Variants in LYPLA1 observed in about 807,000 individuals in gnomAD.
LYPLA1 encodes the protein lysophospholipase 1.
In LYPLA1, 17 loss-of-function variants were observed where a neutral mutation model predicts 34.0. The ratio of observed to expected loss-of-function variants is 0.50; its 90% CI spans 0.34 to 0.75. The LOEUF (loss-of-function observed/expected upper bound fraction) is 0.75. LYPLA1 is among the 30% of genes least tolerant of loss of function. The pLI is 0.01. For synonymous variants in LYPLA1, 98 were observed against 100.8 expected, an observed-to-expected ratio of 0.97 and a Z score of 0.17; for missense variants, 203 against 288.8, an observed-to-expected ratio of 0.70 and a Z score of 2.15.
intron 2 of LYPLA1, chr8:54,073,317 G>A (rs985745819): frequency 1.2e-6 from 1 of 866,488 alleles, no homozygotes; most frequent in Non-Finnish European, 2.0e-6. Flanking sequence ...TCTATGGACG[G>A]AACTGTGAGC....
intron 2 of LYPLA1, among the ~76,000 whole-genome samples, chr8:54,066,768 G>A (rs534243175): frequency 2.7e-5 from 4 of 150,750 alleles, no homozygotes; most frequent in East Asian, 3.9e-4. Flanking sequence ...GCAACAGAGC[G>A]AGACTCCATC....
Position 54,063,488 on chromosome 8 carries a change from A to C in LYPLA1, c.168-113T>G, listed in dbSNP as rs1324649033. ...AGACCTACACAAAACTATATGCTACAGTTTTAACATATGAACTGTTTTATT... is the reference window on the plus strand; with the variant it reads ...AGACCTACACAAAACTATATGCTACCGTTTTAACATATGAACTGTTTTATT... On this transcript the variant is annotated intron_variant, in intron 3 of 8. Coordinates refer to ENST00000316963, the MANE Select transcript of LYPLA1 (RefSeq NM_006330.4). 4.3e-6 allele frequency: 3 copies of C among 702,728 alleles called. No homozygotes were observed. In the East Asian group the frequency reaches 8.4e-5, roughly 20 times the overall value. The allele number at this position is 702,728 out of a possible 1,614,324, so 43.5% of individuals were successfully genotyped here.
At chr8:54,094,149 A>G (rs966561942) in intron 2 of LYPLA1, among the ~76,000 whole-genome samples, 3 of 152,196 alleles carry the variant, frequency 2.0e-5, no homozygotes, top group Non-Finnish European at 2.9e-5. Flanking sequence ...ATTCTTCTCT[A>G]TACTTTTATA....
intron 5 of LYPLA1, among the ~76,000 whole-genome samples, chr8:54,061,491 A>T (rs1806631144): frequency 6.6e-6 from 1 of 152,208 alleles, no homozygotes; most frequent in African/African-American, 2.4e-5. Context: ...ATTTGTCCCC[A>T]TCCACCTCAT....
chr8:54,060,689 C>CTTTTTTTTT (rs761596145), intron 5 of LYPLA1, among the ~76,000 whole-genome samples: 2 of 123,484 alleles, frequency 1.6e-5, no homozygotes, highest in Admixed American at 8.4e-5. Context: ...TTTTTTCTTC[C>CTTTTTTTTT]TTTTTTTTTT....
chr8:54,045,741 A>C (rs1805459505), downstream of LYPLA1: 1 of 152,234 alleles, frequency 6.6e-6, no homozygotes, highest in Non-Finnish European at 1.5e-5. Context: ...TTATGACACT[A>C]ATTTAAAAAA....
At chr8:54,093,251 T>C (rs1809442840) in intron 2 of LYPLA1, among the ~76,000 whole-genome samples, 1 of 152,192 alleles carries the variant, frequency 6.6e-6, no homozygotes, top group South Asian at 2.1e-4. Flanking sequence ...TCCCCCCAAA[T>C]TCACATCCAC....
At chr8:54,099,168 G>A (rs1809917406) in intron 2 of LYPLA1, among the ~76,000 whole-genome samples, 1 of 151,370 alleles carries the variant, frequency 6.6e-6, no homozygotes. Flanking sequence ...GCATAGAAGT[G>A]CTCATTATTG....
intron 8 of LYPLA1, among the ~76,000 whole-genome samples, 173 bp downstream of exon 8, chr8:54,050,839 A>G (rs1771419333): frequency 6.6e-6 from 1 of 152,234 alleles, no homozygotes; most frequent in South Asian, 2.1e-4. Flanking sequence ...ATAGCCAATC[A>G]GTAAATATTT....
chr8:54,045,170 T>A (rs1216196646), downstream of LYPLA1, among the ~76,000 whole-genome samples: 3 of 152,206 alleles, frequency 2.0e-5, no homozygotes, highest in Non-Finnish European at 4.4e-5. Flanking sequence ...GACTATATGC[T>A]TAAAGGATAT....
chr8:54,072,021 C>T (rs1173599035), intron 2 of LYPLA1, among the ~76,000 whole-genome samples: 1 of 152,110 alleles, frequency 6.6e-6, no homozygotes, highest in Non-Finnish European at 1.5e-5. Flanking sequence ...CAGCATGGTA[C>T]TGGTACAAAA....
intron 2 of LYPLA1, among the ~76,000 whole-genome samples, chr8:54,070,037 G>C (rs1440172376): frequency 6.6e-6 from 1 of 152,242 alleles, no homozygotes; most frequent in African/African-American, 2.4e-5. Context: ...CTCATACACT[G>C]TTGGTAGAAA....
At chr8:54,059,029 T>C (rs1332891688) in intron 5 of LYPLA1, among the ~76,000 whole-genome samples, 4 of 152,216 alleles carry the variant, frequency 2.6e-5, no homozygotes, top group Non-Finnish European at 5.9e-5. Flanking sequence ...AGGAAAGAAG[T>C]AACAAGTATT....
rs541653001 is a variant in LYPLA1, at chr8:54,087,012, C to T, written c.101+13896G>A. 1.4e-3 allele frequency among the ~76,000 whole-genome samples: 220 copies of T among 152,202 alleles called. 1 individual carries two copies. The highest frequency in any genetic ancestry group is 5.0e-3 in the African/African-American group (207 of 41,532). ...ACATAAAAATTTAATAAATACAATA[C>T]ACCATTTTACCAGAGATTGTAGCCA... On this transcript the variant is annotated intron_variant, in intron 2 of 8. Coordinates refer to ENST00000316963, the MANE Select transcript of LYPLA1 (RefSeq NM_006330.4).
At chr8:54,056,423 C>T (rs1026078157) in intron 5 of LYPLA1, among the ~76,000 whole-genome samples, 1 of 152,056 alleles carries the variant, frequency 6.6e-6, no homozygotes, top group Non-Finnish European at 1.5e-5. Context: ...GCATATCAAC[C>T]AAAGCAAAAA....
intron 5 of LYPLA1, among the ~76,000 whole-genome samples, chr8:54,060,421 G>A (rs375009354): frequency 2.0e-5 from 3 of 152,102 alleles, no homozygotes; most frequent in African/African-American, 4.8e-5. Context: ...CACCGTGCCC[G>A]GCCTCCTGTG....
chr8:54,075,149 T>C (rs541793762), intron 2 of LYPLA1, among the ~76,000 whole-genome samples: 7 of 152,326 alleles, frequency 4.6e-5, no homozygotes, highest in African/African-American at 1.7e-4. Context: ...GAACCTAGCA[T>C]TATTAACTTT....
chr8:54,071,547 A>G (rs1807466392), intron 2 of LYPLA1, among the ~76,000 whole-genome samples: 1 of 152,264 alleles, frequency 6.6e-6, no homozygotes, highest in Admixed American at 6.5e-5. Flanking sequence ...CACACGCAGT[A>G]AAAGATGAAC....
At chr8:54,081,930 A>G (rs2129351306) in intron 2 of LYPLA1, among the ~76,000 whole-genome samples, 1 of 151,960 alleles carries the variant, frequency 6.6e-6, no homozygotes, top group East Asian at 1.9e-4. Context: ...GGGTTTCGCC[A>G]TGTTGGCCAG....
Sources: gnomAD v4.1 joint callset for allele counts (sites outside exome capture counted in the v4.1 genomes callset) on GRCh38, gnomAD v4.1.1 for gene constraint, MANE v1.5 for transcripts, NCBI Gene and HGNC (gene_info 2026-07-23, HGNC 2026-07-21) for gene names.